The following ZNF608 variants were observed in gnomAD, a reference collection of about 807,000 sequenced individuals.
ZNF608 encodes renal carcinoma antigen NY-REN-36.
A neutral mutation model predicts 109.0 loss-of-function variants in ZNF608; 12 were observed. That is an observed-to-expected ratio of 0.11 (90% CI 0.07 to 0.18). The LOEUF (loss-of-function observed/expected upper bound fraction) is 0.18, where lower values mean the gene tolerates loss of function less well. Ranked by LOEUF, ZNF608 falls within the 10% of genes least tolerant of loss-of-function variation. ZNF608 has a pLI of 1.00. For synonymous variants in ZNF608, 732 were observed against 717.4 expected (o/e 1.02, Z -0.33); for missense variants, 1,707 against 1,879.3 (o/e 0.91, Z 1.70).
At chr5:124,717,877 T>C (rs2149875253) in intron 2 of ZNF608, among the ~76,000 whole-genome samples, 1 of 152,262 alleles carries the variant, frequency 6.6e-6, no homozygotes, top group African/African-American at 2.4e-5. Flanking sequence ...CAGGCAAGTG[T>C]CCCTATAGGG....
chr5:124,673,932 A>AT (rs566787783), intron 3 of ZNF608, among the ~76,000 whole-genome samples: 2 of 152,000 alleles, frequency 1.3e-5, no homozygotes, highest in East Asian at 1.9e-4. Flanking sequence ...TAAATATGAA[A>AT]TTTTTTTTTA....
At chr5:124,748,801 G>C (rs564744624), upstream of ZNF608, 1 of 152,926 alleles carries the variant, frequency 6.5e-6, no homozygotes, top group African/African-American at 2.4e-5. Context: ...CACACACAGG[G>C]GGAGTGGAGC....
intron 3 of ZNF608, among the ~76,000 whole-genome samples, chr5:124,652,617 C>G (rs927166717): frequency 6.6e-6 from 1 of 152,212 alleles, no homozygotes; most frequent in Non-Finnish European, 1.5e-5. Flanking sequence ...CTCATATAAA[C>G]TACACAGTGT....
chr5:124,679,800 C>A (rs549538152), intron 3 of ZNF608, among the ~76,000 whole-genome samples: 14 of 152,290 alleles, frequency 9.2e-5, no homozygotes, highest in Admixed American at 7.8e-4. Flanking sequence ...CAGAACATAG[C>A]AGTGTACCTT....
chr5:124,744,828 G>A lies in ZNF608; in HGVS notation c.162C>T (p.Thr54=). Residue 54 remains threonine (T), a synonymous_variant, in exon 2 of 10, where the codon ACC becomes ACT. Coordinates refer to ENST00000513986, the MANE Select transcript of ZNF608 (RefSeq NM_020747.3). The surrounding 1 kb of genome is among the most constrained non-coding windows in gnomAD (Gnocchi z 4.5). ...TGGAGTTGCTGCTACTAGTGGTGGT[G>A]GTGGAATTATTCATCTCAAATTTCT... is the stretch of plus-strand genomic sequence containing the variant. The part of the protein sequence containing the change: ...DRQKFEMNNS[T]TTTSSSNSKD... 1 of 1,614,162 alleles carries A rather than the reference G, an allele frequency of 6.2e-7. No homozygotes were observed. The highest frequency in any genetic ancestry group is 8.5e-7 in the Non-Finnish European group (1 of 1,180,022).
At position 124,682,953 on chromosome 5, in the gene ZNF608, A is replaced by G. The variant is rs75067186; in HGVS notation, c.1162+18061T>C. ...AACTTACTTATAACGAACAGAAGTA[A>G]TGAGCTATCATTTCTAACATTAAGT... On this transcript the variant is annotated intron_variant, in intron 3 of 9. Transcript: ENST00000513986. Among the ~76,000 whole-genome samples, 184 of 152,296 alleles carry G rather than the reference A, an allele frequency of 1.2e-3. No homozygotes were observed. In the East Asian group the frequency reaches 0.033, roughly 28 times the overall value.
Position 124,641,428 on chromosome 5 carries a change from T to C in ZNF608, c.4297-23A>G, listed in dbSNP as rs759000375. 24 of 1,592,970 alleles carry C rather than the reference T, an allele frequency of 1.5e-5. No individual in the cohort carries two copies. The Admixed American group carries it at 3.4e-4, about 23-fold the overall frequency. ...AGGCTGCAACAGAAAAGAGAAATTTTCCCCCTTCATGCTCTGAAAATCAAC... is the reference window on the plus strand; with the variant it reads ...AGGCTGCAACAGAAAAGAGAAATTTCCCCCCTTCATGCTCTGAAAATCAAC... On this transcript the variant is annotated intron_variant, in intron 7 of 9. Transcript: ENST00000513986.
intron 3 of ZNF608, among the ~76,000 whole-genome samples, chr5:124,686,723 TCA>T (rs1442928880): frequency 6.6e-6 from 1 of 152,216 alleles, no homozygotes; most frequent in Non-Finnish European, 1.5e-5. Context: ...TTAAATGTTC[TCA>T]GTCAGCTCTG....
rs747114645 is a variant in ZNF608, at chr5:124,648,580, A to G, written c.1804T>C (p.Leu602=). ...CTGCATTCAAGTGCCACATTACTCA[A>G]TCCTTCCTCACAGTCCGAGATCTTG... The part of the protein sequence containing the change: ...EDKISDCEEG[L]SNVALECSEP... Residue 602 remains leucine, a synonymous_variant, in exon 5 of 10, where the codon TTG becomes CTG. Transcript: ENST00000513986. 7.4e-6 allele frequency: 12 copies of G among 1,613,948 alleles called. No individual in the cohort carries two copies. In the Admixed American group the frequency reaches 8.3e-5, roughly 11 times the overall value.
At position 124,644,396 on chromosome 5, in the gene ZNF608, T is replaced by A; in HGVS notation, c.3971A>T (p.Asp1324Val). The change falls in exon 6 of 10, where the codon GAC becomes GTC. Residue 1324 changes from aspartate to valine, a missense_variant. Transcript: ENST00000513986. ...GACAGCCACTCTTGTTCCCCGAGAGTCCTTCCAGTTCACAGGAGTCTTTCG... is the reference window on the plus strand; with the variant it reads ...GACAGCCACTCTTGTTCCCCGAGAGACCTTCCAGTTCACAGGAGTCTTTCG... ...DDRKTPVNWK[D>V]SRGTRVAVSS... The A allele has an allele frequency of 6.2e-7, 1 of 1,613,978 alleles. No homozygotes were observed. The highest frequency in any genetic ancestry group is 8.5e-7 in the Non-Finnish European group (1 of 1,179,994).
chr5:124,708,610 G>C, intron 2 of ZNF608: 1 of 421,848 alleles, frequency 2.4e-6, no homozygotes, highest in Non-Finnish European at 4.8e-6. Context: ...TGAAACCAAA[G>C]CTCAGCTTTT....
rs1243212541 is a variant in ZNF608 at position 124,701,029 on chromosome 5, G to A, written c.1147C>T (p.His383Tyr). 2 of 1,613,996 alleles carry A rather than the reference G, an allele frequency of 1.2e-6. No individual in the cohort carries two copies. The highest frequency in any genetic ancestry group is 2.2e-5 in the East Asian group (1 of 44,888). The change falls in exon 3 of 10, where the codon CAT (histidine) becomes TAT (tyrosine). Residue 383 changes from histidine (H) to tyrosine (Y), a missense_variant. This residue lies in a region of ZNF608 where 16 missense variants were observed against 37.0 expected (regional missense o/e 0.43). Transcript: ENST00000513986. ...TTGTATTTACCTTCTTCTGTTTCATGCCACACGATCCCTTCCAAATTCACA... is the reference window on the plus strand; with the variant it reads ...TTGTATTTACCTTCTTCTGTTTCATACCACACGATCCCTTCCAAATTCACA... ...TSVNLEGIVW[H>Y]ETEEGVLVVN...
chr5:124,711,337 G>C (rs1162419072), intron 2 of ZNF608, among the ~76,000 whole-genome samples: 1 of 152,214 alleles, frequency 6.6e-6, no homozygotes, highest in Non-Finnish European at 1.5e-5. Context: ...TCATTTTATA[G>C]CCTTCTATGC....
At chr5:124,666,276 T>C (rs1751473821) in intron 3 of ZNF608, 1 of 152,270 alleles carries the variant, frequency 6.6e-6, no homozygotes. Flanking sequence ...TTGTCAATAG[T>C]GGAAAATTCA....
chr5:124,659,158 T>C (rs1751142437), intron 3 of ZNF608, among the ~76,000 whole-genome samples: 1 of 151,976 alleles, frequency 6.6e-6, no homozygotes, highest in African/African-American at 2.4e-5. Context: ...TACAGGATTT[T>C]TTTTTTTTTA....
chr5:124,677,219 T>G (rs1243758340), intron 3 of ZNF608, among the ~76,000 whole-genome samples: 2 of 152,362 alleles, frequency 1.3e-5, no homozygotes, highest in Admixed American at 1.3e-4. Flanking sequence ...AAATTTAACA[T>G]CCTTTCTTGC....
intron 7 of ZNF608, among the ~76,000 whole-genome samples, chr5:124,642,549 T>C (rs1199422985): frequency 6.6e-6 from 1 of 152,140 alleles, no homozygotes; most frequent in African/African-American, 2.4e-5. Context: ...AGAAGTCAAG[T>C]TAACAACAAA....
chr5:124,706,814 G>A (rs1198159344), intron 2 of ZNF608, among the ~76,000 whole-genome samples: 3 of 152,292 alleles, frequency 2.0e-5, no homozygotes, highest in Admixed American at 6.5e-5. Context: ...ACAGACGCGC[G>A]GCAGTCTCTC....
intron 2 of ZNF608, among the ~76,000 whole-genome samples, chr5:124,702,501 G>GTT (rs11427187): frequency 1.6e-3 from 239 of 147,480 alleles, no homozygotes; most frequent in African/African-American, 3.8e-3. Context: ...TTGGGTTTTG[G>GTT]TTTTTTTTTT....
Sources: gnomAD v4.1 joint callset for allele counts (sites outside exome capture counted in the v4.1 genomes callset) on GRCh38, gnomAD v4.1.1 for gene constraint, gnomAD v4.1.1 regional missense constraint, Gnocchi (gnomAD v3.1) non-coding constraint, MANE v1.5 for transcripts, NCBI Gene and HGNC (gene_info 2026-07-23, HGNC 2026-07-21) for gene names.